PAX3: variants seen among roughly 807,000 people sequenced by gnomAD.
PAX3 encodes the protein paired box protein Pax-3.
In PAX3, 14 loss-of-function variants were observed where a neutral mutation model predicts 51.6. That is an observed-to-expected ratio of 0.27 (90% CI 0.18 to 0.42). The LOEUF is 0.42. Ranked by LOEUF, PAX3 falls within the 10% of genes least tolerant of loss-of-function variation. The probability of loss-of-function intolerance (pLI) is 1.00; values close to 1 mark genes in which losing one functional copy is unlikely to be tolerated. For missense variants in PAX3, 540 were observed against 642.8 expected, an observed-to-expected ratio of 0.84 and a Z score of 1.73; for synonymous variants, 280 against 253.4, an observed-to-expected ratio of 1.11 and a Z score of -1.00.
intron 7 of PAX3, among the ~76,000 whole-genome samples, chr2:222,207,834 A>G (rs2395862): frequency 0.2 from 29,991 of 151,996 alleles, 3,127 homozygotes; most frequent in East Asian, 0.28. Context: ...ACTTGTTCTT[A>G]ACTAGGCAGA....
chr2:222,245,022 C>G (rs915345149), intron 4 of PAX3, among the ~76,000 whole-genome samples: 9 of 152,126 alleles, frequency 5.9e-5, no homozygotes, highest in Admixed American at 2.0e-4. Flanking sequence ...ATGGTGCACA[C>G]CTGTAATCCC....
intron 4 of PAX3, among the ~76,000 whole-genome samples, chr2:222,284,612 CGTGTGTGTGTGTGT>C (rs71053066): frequency 1.3e-5 from 2 of 150,336 alleles, no homozygotes; most frequent in Non-Finnish European, 3.0e-5. Context: ...TGTCTGTGTG[CGTGTGTGTGTGTGT>C]GTGTGTGTGT....
At chr2:222,282,830 C>A (rs1388154518) in intron 4 of PAX3, among the ~76,000 whole-genome samples, 1 of 152,138 alleles carries the variant, frequency 6.6e-6, no homozygotes, top group African/African-American at 2.4e-5. Flanking sequence ...TTTGAAGAAG[C>A]AATAGAATAT....
intron 5 of PAX3, chr2:222,221,624 G>T: frequency 4.1e-6 from 2 of 482,244 alleles, no homozygotes; most frequent in Non-Finnish European, 7.6e-6. Flanking sequence ...CAGCCCCCAT[G>T]AACCTTATGA....
Position 222,201,111 on chromosome 2 carries a change from G to T in PAX3, c.*297C>A. 2 of 1,556,610 alleles carry T rather than the reference G, an allele frequency of 1.3e-6. No individual in the cohort carries two copies. Among genetic ancestry groups the T allele is most frequent in the East Asian group, 2.3e-5 (1 of 44,308 alleles). Reference sequence around the variant, plus strand: ...TAGCTCCTCGATGATCAGCACTAAAGAATTGGGATGTTTTGATATGTAACC... The same window carrying T: ...TAGCTCCTCGATGATCAGCACTAAATAATTGGGATGTTTTGATATGTAACC... On this transcript the variant is annotated 3_prime_UTR_variant, in exon 9 of 9. Transcript: ENST00000392070.
chr2:222,243,996 G>C (rs1341982288), intron 4 of PAX3, among the ~76,000 whole-genome samples: 1 of 152,144 alleles, frequency 6.6e-6, no homozygotes, highest in African/African-American at 2.4e-5. Flanking sequence ...GTGAAGAGGG[G>C]ATAATGAATG....
chr2:222,293,667 T>TG, intron 4 of PAX3: 6 of 1,614,108 alleles, frequency 3.7e-6, no homozygotes, highest in Non-Finnish European at 5.1e-6. Context: ...AGGCAGCCAA[T>TG]GTGGGGGCAA....
intron 4 of PAX3, among the ~76,000 whole-genome samples, chr2:222,255,838 G>C (rs1489093557): frequency 2.7e-5 from 4 of 147,070 alleles, no homozygotes; most frequent in Non-Finnish European, 4.5e-5. Flanking sequence ...CTGGAGTGCA[G>C]TGGCACAATA....
intron 4 of PAX3, among the ~76,000 whole-genome samples, chr2:222,285,427 G>A (rs961027011): frequency 6.6e-6 from 1 of 152,210 alleles, no homozygotes; most frequent in African/African-American, 2.4e-5. Flanking sequence ...AAGTTATGCC[G>A]ACACTAGAGT....
chr2:222,284,002 A>G (rs188114720), intron 4 of PAX3, among the ~76,000 whole-genome samples: 11 of 152,342 alleles, frequency 7.2e-5, no homozygotes, highest in Non-Finnish European at 1.3e-4. Context: ...GGAGCCCCCA[A>G]CGTTTTGGGA....
chr2:222,277,469 C>T (rs1694463002), intron 4 of PAX3, among the ~76,000 whole-genome samples: 1 of 152,166 alleles, frequency 6.6e-6, no homozygotes, highest in African/African-American at 2.4e-5. Flanking sequence ...CTCATACTCC[C>T]TGTCATTATC....
At chr2:222,263,287 A>G (rs928462982) in intron 4 of PAX3, 1 of 152,210 alleles carries the variant, frequency 6.6e-6, no homozygotes, top group African/African-American at 2.4e-5. Context: ...ATATTTAACA[A>G]TTTTTAAAAA....
intron 4 of PAX3, among the ~76,000 whole-genome samples, chr2:222,269,059 G>T (rs1259413661): frequency 2.0e-5 from 3 of 152,210 alleles, no homozygotes; most frequent in African/African-American, 7.2e-5. Context: ...GTAACACAGT[G>T]GAGGAGCCTT....
intron 4 of PAX3, among the ~76,000 whole-genome samples, chr2:222,234,795 A>G (rs565009579): frequency 6.6e-6 from 1 of 152,348 alleles, no homozygotes; most frequent in African/African-American, 2.4e-5. Flanking sequence ...TCACTCCCAC[A>G]TGTATATTTT....
At chr2:222,207,709 T>TA (rs1435750566) in intron 7 of PAX3, among the ~76,000 whole-genome samples, 2 of 152,142 alleles carry the variant, frequency 1.3e-5, no homozygotes, top group African/African-American at 4.8e-5. Context: ...TTTGAATACC[T>TA]ATTGCTCAAT....
In PAX3 at chr2:222,275,999, G is replaced by A. The variant is rs374823199; in HGVS notation, c.586+18168C>T. Among the ~76,000 whole-genome samples, 9 of 152,350 alleles carry A rather than the reference G, an allele frequency of 5.9e-5. No homozygotes were observed. In the South Asian group the frequency reaches 1.2e-3, roughly 21 times the overall value. On this transcript the variant is annotated intron_variant, in intron 4 of 8. Coordinates refer to ENST00000392070, the MANE Select transcript of PAX3 (RefSeq NM_181458.4). ...AAGATATGACTTAGAATCATCTGAA[G>A]TGAATTCACTATTGTCTGAGTCTCC...
At position 222,293,633 on chromosome 2, in the gene PAX3, A is replaced by C. The variant is rs1695127959; in HGVS notation, c.586+534T>G. The C allele has an allele frequency of 4.3e-6, 7 of 1,613,852 alleles. No individual in the cohort carries two copies. The Admixed American group carries it at 1.2e-4, about 27-fold the overall frequency. ...AAATCAACTTCAAACAAATCAAACC[A>C]GTCAACACACAGACATATTTATAAG... is the stretch of plus-strand genomic sequence containing the variant. On this transcript the variant is annotated intron_variant, in intron 4 of 8. Transcript: ENST00000392070.
chr2:222,287,926 T>G (rs1027179468), intron 4 of PAX3, among the ~76,000 whole-genome samples: 2 of 152,148 alleles, frequency 1.3e-5, no homozygotes, highest in African/African-American at 4.8e-5. Context: ...AGAAAGAGAT[T>G]CGAAAACCCC....
chr2:222,202,342 G>A (rs532986417), intron 7 of PAX3, 152 bp from the exon 8 acceptor site: 17 of 705,064 alleles, frequency 2.4e-5, no homozygotes, highest in Non-Finnish European at 4.1e-5. Context: ...ATTCTAAGTG[G>A]CAGAGATATT....
Sources: gnomAD v4.1 joint callset for allele counts (sites outside exome capture counted in the v4.1 genomes callset) on GRCh38, gnomAD v4.1.1 for gene constraint, MANE v1.5 for transcripts, NCBI Gene and HGNC (gene_info 2026-07-23, HGNC 2026-07-21) for gene names.